Variants in FGD5 observed in about 807,000 individuals in gnomAD.
FGD5 encodes FYVE, RhoGEF and PH domain-containing protein 5.
FGD5 carries 28 observed loss-of-function variants against 133.4 expected under a neutral mutation model. The observed-to-expected ratio is 0.21, with a 90% CI of 0.16 to 0.29. FGD5 has a LOEUF of 0.29. Ranked by LOEUF, FGD5 falls within the 10% of genes least tolerant of loss-of-function variation. FGD5 has a pLI of 1.00. For synonymous variants in FGD5, 810 were observed against 776.5 expected (o/e 1.04, Z -0.72); for missense variants, 1,858 against 1,895.2 (o/e 0.98, Z 0.36).
At chr3:14,843,000 AT>A (rs769731949) in intron 1 of FGD5, among the ~76,000 whole-genome samples, 105 of 152,126 alleles carry the variant, frequency 6.9e-4, no homozygotes, top group Non-Finnish European at 1.2e-3. Context: ...ACAGAAGTAT[AT>A]TTTTAAGTGT....
intron 1 of FGD5, among the ~76,000 whole-genome samples, chr3:14,845,630 C>T (rs1273209843): frequency 1.3e-5 from 2 of 152,136 alleles, no homozygotes; most frequent in Non-Finnish European, 2.9e-5. Context: ...TTTATCAAGA[C>T]AGAGACCCAG....
chr3:14,905,085 A>G (rs1472498508), intron 9 of FGD5, among the ~76,000 whole-genome samples: 1 of 152,128 alleles, frequency 6.6e-6, no homozygotes, highest in Non-Finnish European at 1.5e-5. Flanking sequence ...TCCAACAGTG[A>G]GAAGCCTCGT....
chr3:14,811,829 T>A (rs1011375557), intron 1 of FGD5, among the ~76,000 whole-genome samples: 2 of 152,164 alleles, frequency 1.3e-5, no homozygotes, highest in African/African-American at 4.8e-5. Context: ...CCCAGCTAAC[T>A]TCATCTGCCT....
At chr3:14,815,546 T>G (rs1380347541), upstream of FGD5, among the ~76,000 whole-genome samples, 2 of 152,224 alleles carry the variant, frequency 1.3e-5, no homozygotes, top group Non-Finnish European at 2.9e-5. Context: ...TAGTTGGTAC[T>G]CAATAAATAT....
intron 1 of FGD5, among the ~76,000 whole-genome samples, chr3:14,847,556 A>C (rs900714720): frequency 1.3e-5 from 2 of 152,224 alleles, no homozygotes; most frequent in Non-Finnish European, 2.9e-5. Flanking sequence ...TAGCTGCAGT[A>C]TGTTCTCGTT....
At chr3:14,900,701 T>G (rs1035760832) in intron 8 of FGD5, among the ~76,000 whole-genome samples, 1 of 151,220 alleles carries the variant, frequency 6.6e-6, no homozygotes, top group East Asian at 2.0e-4. Flanking sequence ...GATGGGGGAG[T>G]CACCAGAATT....
intron 2 of FGD5, among the ~76,000 whole-genome samples, chr3:14,877,463 TTG>T (rs1477048630): frequency 6.6e-6 from 1 of 152,110 alleles, no homozygotes; most frequent in Non-Finnish European, 1.5e-5. Context: ...CTCCAGAAGT[TTG>T]GGTATGGTGT....
At position 14,819,434 on chromosome 3, in the gene FGD5, G is replaced by A. The variant is rs1575184973; in HGVS notation, c.363G>A (p.Val121=). ...GTACAGGAGCTGGTGAGGATTCAGT[G>A]GCCCCTGCTGCTCCGGGTGCAGGAG... ...LEGTGAGEDS[V]APAAPGAGAL... is the part of the protein sequence containing the mutation. Residue 121 remains valine (V), a synonymous_variant, in exon 1 of 20, where the codon GTG becomes GTA. Transcript: ENST00000285046. This position sits in a 1 kb window ranked among gnomAD's most constrained non-coding sequence, Gnocchi z 4.1. The A allele has an allele frequency of 6.5e-7, 1 of 1,550,176 alleles. No homozygotes were observed. The highest frequency in any genetic ancestry group is 2.4e-5 in the East Asian group (1 of 40,904).
intron 1 of FGD5, among the ~76,000 whole-genome samples, chr3:14,862,640 C>T (rs1377025243): frequency 6.6e-6 from 1 of 152,054 alleles, no homozygotes; most frequent in Non-Finnish European, 1.5e-5. Flanking sequence ...AAAGAGAAGG[C>T]CAAAAAGCAA....
At chr3:14,911,435 C>T (rs1440917350) in intron 11 of FGD5, among the ~76,000 whole-genome samples, 1 of 152,114 alleles carries the variant, frequency 6.6e-6, no homozygotes, top group Admixed American at 6.5e-5. Context: ...GTTGAGTGCC[C>T]CAATCCTGAG....
rs2038698020 is a variant in FGD5 at position 14,922,244 on chromosome 3, C to T, written c.3670-167C>T. On this transcript the variant is annotated intron_variant, in intron 14 of 19. Transcript: ENST00000285046. This position sits in a 1 kb window ranked among gnomAD's most constrained non-coding sequence, Gnocchi z 4.1. ...TTCTCACAGTCTGGCTGTTTCCCAA[C>T]CAAGGGTGAGCATCCTGGAGGGTGC... The T allele has an allele frequency of 2.6e-6, 3 of 1,141,240 alleles. No individual in the cohort carries two copies. In the African/African-American group the frequency reaches 4.6e-5, roughly 18 times the overall value. The allele number at this position is 1,141,240 out of a possible 1,614,324, so 70.7% of individuals were successfully genotyped here. A position where few individuals can be genotyped will look rare whatever the true frequency, so the allele number is the denominator to read the frequency against.
rs573409336 is a variant in FGD5 at position 14,828,904 on chromosome 3, C to T, written c.2525+7308C>T. Among the ~76,000 whole-genome samples the T allele has an allele frequency of 2.0e-5, 3 of 151,004 alleles. No homozygotes were observed. The East Asian group carries it at 5.8e-4, about 29-fold the overall frequency. ...TGGCATGATCTTGACTCACTGCAAC[C>T]TCTGCCTCCCAGGTTCAAGCAGGGG... On this transcript the variant is annotated intron_variant, in intron 1 of 19. Coordinates refer to ENST00000285046, the MANE Select transcript of FGD5 (RefSeq NM_152536.4).
chr3:14,887,885 G>A (rs530180394), intron 4 of FGD5, among the ~76,000 whole-genome samples: 1 of 152,182 alleles, frequency 6.6e-6, no homozygotes, highest in Admixed American at 6.5e-5. Flanking sequence ...GCACATTTAG[G>A]CCCGGTATGG....
chr3:14,894,189 T>C (rs2038088775), intron 4 of FGD5, among the ~76,000 whole-genome samples: 1 of 152,232 alleles, frequency 6.6e-6, no homozygotes, highest in Non-Finnish European at 1.5e-5. Flanking sequence ...CTACCACATA[T>C]GAGTGGGAAC....
chr3:14,933,582 C>T lies in FGD5; in HGVS notation c.*415C>T. On this transcript the variant is annotated 3_prime_UTR_variant, in exon 20 of 20. Coordinates refer to ENST00000285046, the MANE Select transcript of FGD5 (RefSeq NM_152536.4). ...CTTTCAAAAATTGATTGTGGTGCCTCAGGTGAAATGAGAAGCTATCAGTAA... is the reference window on the plus strand; with the variant it reads ...CTTTCAAAAATTGATTGTGGTGCCTTAGGTGAAATGAGAAGCTATCAGTAA... The T allele has an allele frequency of 5.3e-6, 1 of 189,278 alleles. No homozygotes were observed. The highest frequency in any genetic ancestry group is 1.1e-5 in the Non-Finnish European group (1 of 89,468). The allele number at this position is 189,278 out of a possible 1,614,324, so 11.7% of individuals were successfully genotyped here.
intron 1 of FGD5, chr3:14,811,272 C>T (rs1420354486): frequency 6.6e-6 from 1 of 152,286 alleles, no homozygotes; most frequent in Non-Finnish European, 1.5e-5. Context: ...GCTCATCTCT[C>T]AGGGGCAACA....
At chr3:14,844,675 G>A (rs2037011496) in intron 1 of FGD5, among the ~76,000 whole-genome samples, 1 of 152,030 alleles carries the variant, frequency 6.6e-6, no homozygotes, top group Non-Finnish European at 1.5e-5. Flanking sequence ...GTGTGACTTT[G>A]GGCTAGTCAC....
chr3:14,916,507 TC>T lies in FGD5; in HGVS notation c.3406-739del, dbSNP rs2038556624. 2.6e-5 allele frequency among the ~76,000 whole-genome samples: 4 copies of T among 152,338 alleles called. No individual in the cohort carries two copies. The East Asian group carries it at 7.7e-4, about 29-fold the overall frequency. On this transcript the variant is annotated intron_variant, in intron 11 of 19. Transcript: ENST00000285046. ...ACAGCAGCAAGCAGGGCCCACCACT[TC>T]CCTGTCCTCAGGGTGTCTCCCAACC... is the stretch of plus-strand genomic sequence containing the variant.
chr3:14,932,771 C>T, intron 19 of FGD5, 40 bp downstream of exon 19: 1 of 1,591,788 alleles, frequency 6.3e-7, no homozygotes, highest in Non-Finnish European at 8.5e-7. Flanking sequence ...TTTTTGTTCT[C>T]TCAGAAGGCA....
Sources: allele counts gnomAD v4.1 joint callset (sites outside exome capture counted in the v4.1 genomes callset), GRCh38; gene constraint gnomAD v4.1.1; non-coding constraint Gnocchi (gnomAD v3.1); transcripts MANE v1.5; gene names NCBI Gene and HGNC (gene_info 2026-07-23, HGNC 2026-07-21).